Variants in NCAPG2 observed in about 807,000 individuals in gnomAD.
The protein encoded by NCAPG2 is condensin-2 complex subunit G2.
In NCAPG2, 53 loss-of-function variants were observed where a neutral mutation model predicts 141.1. That is an observed-to-expected ratio of 0.38 (90% CI 0.30 to 0.47). The LOEUF is 0.47. Ranked by LOEUF, NCAPG2 falls within the 20% of genes least tolerant of loss-of-function variation. The pLI is 0.99. For synonymous variants in NCAPG2, 499 were observed against 490.7 expected, an observed-to-expected ratio of 1.02 and a Z score of -0.22; for missense variants, 1,087 against 1,389.0, an observed-to-expected ratio of 0.78 and a Z score of 3.46.
At position 158,656,597 on chromosome 7, in the gene NCAPG2, C is replaced by T. The variant is rs1422740607; in HGVS notation, c.2169G>A (p.Leu723=). 6.2e-7 allele frequency: 1 copy of T among 1,614,122 alleles called. No individual in the cohort carries two copies. The highest frequency in any genetic ancestry group is 8.5e-7 in the Non-Finnish European group (1 of 1,180,038). ...LCSWGQVGHI[L]ELVDNWLPTE... is the part of the protein sequence containing the mutation. ...TGGGCAGCCAGTTGTCAACAAGCTC[C>T]AGAATGTGCCCCACCTGCCCCCAGG... The change falls in exon 18 of 28, where the codon CTG becomes CTA. Residue 723 remains leucine, a synonymous_variant. Transcript: ENST00000356309.
intron 12 of NCAPG2, among the ~76,000 whole-genome samples, chr7:158,673,538 T>A (rs761652851): frequency 3.3e-5 from 5 of 152,206 alleles, no homozygotes; most frequent in Non-Finnish European, 7.4e-5. Flanking sequence ...CACGAGGCTT[T>A]CCCAGGCTGT....
At chr7:158,675,349 T>C in intron 12 of NCAPG2, 128 bp downstream of exon 12, 1 of 1,045,060 alleles carries the variant, frequency 9.6e-7, no homozygotes, top group South Asian at 1.9e-5. Context: ...ACTTTGGATA[T>C]ATGACAGGTC....
At chr7:158,648,304 T>TAA (rs899683839) in intron 24 of NCAPG2, among the ~76,000 whole-genome samples, 1 of 137,014 alleles carries the variant, frequency 7.3e-6, no homozygotes. Flanking sequence ...GAGAAATCAC[T>TAA]AAAAAAAAAA....
chr7:158,704,508 G>A (rs1836041431), intron 1 of NCAPG2, among the ~76,000 whole-genome samples: 1 of 152,202 alleles, frequency 6.6e-6, no homozygotes, highest in Non-Finnish European at 1.5e-5. Context: ...GGACAAGAAG[G>A]ACGGGCGTCG....
At position 158,644,311 on chromosome 7, in the gene NCAPG2, A is replaced by G; in HGVS notation, c.3358T>C (p.Leu1120=). The change falls in exon 27 of 28, where the codon TTG becomes CTG. Residue 1120 remains leucine (L), a synonymous_variant. Coordinates refer to ENST00000356309, the MANE Select transcript of NCAPG2 (RefSeq NM_017760.7). ...RKLKTFMEIT[L]EEDSIERFLY... is the part of the protein sequence containing the mutation. ...TACCTTTCAATGCTATCCTCTTCCA[A>G]AGTAATTTCCATGAATGTCTTTAGT... 1 of 1,613,170 alleles carries G rather than the reference A, an allele frequency of 6.2e-7. No homozygotes were observed. The highest frequency in any genetic ancestry group is 8.5e-7 in the Non-Finnish European group (1 of 1,179,150).
intron 24 of NCAPG2, among the ~76,000 whole-genome samples, chr7:158,649,860 C>A (rs986499610): frequency 2.6e-5 from 4 of 151,828 alleles, no homozygotes; most frequent in African/African-American, 9.7e-5. Context: ...AGGAAAACAA[C>A]ACCCTGAATA....
intron 22 of NCAPG2, among the ~76,000 whole-genome samples, chr7:158,653,910 T>C (rs950562876): frequency 5.3e-5 from 8 of 151,658 alleles, no homozygotes; most frequent in African/African-American, 1.9e-4. Flanking sequence ...CAGAAGCGGC[T>C]GAGGGGGAGG....
intron 15 of NCAPG2, 61 bp from the exon 16 acceptor site, chr7:158,662,428 A>C: frequency 7.0e-7 from 1 of 1,418,782 alleles, no homozygotes; most frequent in Non-Finnish European, 9.4e-7. Context: ...AAAAGGTAAC[A>C]GCATCTCAGA....
At chr7:158,638,365 A>G (rs1830427866) in intron 27 of NCAPG2, among the ~76,000 whole-genome samples, 1 of 152,116 alleles carries the variant, frequency 6.6e-6, no homozygotes, top group Admixed American at 6.5e-5. Flanking sequence ...TCAGCTGTCC[A>G]TGTAGCTGGG....
chr7:158,633,501 A>C lies in NCAPG2; in HGVS notation c.3381-1784T>G, dbSNP rs536919937. On this transcript the variant is annotated intron_variant, in intron 27 of 27. Transcript: ENST00000356309. The surrounding 1 kb of genome is among the most constrained non-coding windows in gnomAD (Gnocchi z 4.1). ...CACAGCTATGTGGAGGCTGCCATGC[A>C]GCGACACAGGAGACTCTGGGTGCCC... Among the ~76,000 whole-genome samples, 52 of 152,304 alleles carry C rather than the reference A, an allele frequency of 3.4e-4. No individual in the cohort carries two copies. The highest frequency in any genetic ancestry group is 1.3e-3 in the African/African-American group (52 of 41,586).
At chr7:158,697,679 T>G (rs922684821) in intron 2 of NCAPG2, among the ~76,000 whole-genome samples, 2 of 150,602 alleles carry the variant, frequency 1.3e-5, no homozygotes, top group Non-Finnish European at 3.0e-5. Flanking sequence ...AGCAAAGACA[T>G]GGAATAAACC....
Position 158,695,006 on chromosome 7 carries a change from G to C in NCAPG2, c.79-1509C>G, listed in dbSNP as rs187831318. ...ACCTATAGACCCGACATTCAATCAT[G>C]AACAATTGAATAATTCTTTACGCCT... On this transcript the variant is annotated intron_variant, in intron 2 of 27. Transcript: ENST00000356309. Among the ~76,000 whole-genome samples, 378 of 152,238 alleles carry C rather than the reference G, an allele frequency of 2.5e-3. 2 individuals are homozygous for C. The highest frequency in any genetic ancestry group is 2.8e-3 in the Non-Finnish European group (188 of 68,028).
At chr7:158,653,789 A>C (rs1220724004) in intron 22 of NCAPG2, among the ~76,000 whole-genome samples, 1 of 152,262 alleles carries the variant, frequency 6.6e-6, no homozygotes. Context: ...TGTCAACATC[A>C]AATGTTGAGG....
At chr7:158,658,194 C>T in intron 17 of NCAPG2, 144 bp downstream of exon 17, 1 of 567,438 alleles carries the variant, frequency 1.8e-6, no homozygotes, top group Non-Finnish European at 2.8e-6. Flanking sequence ...ATTTTCCCTA[C>T]CACAGGGAGA....
chr7:158,657,784 G>GACTTTTCATTTT (rs1343019558), intron 17 of NCAPG2, among the ~76,000 whole-genome samples: 8 of 152,158 alleles, frequency 5.3e-5, no homozygotes, highest in Non-Finnish European at 1.2e-4. Flanking sequence ...AGACATGGGA[G>GACTTTTCATTTT]ACTTTTCATT....
chr7:158,656,533 A>G lies in NCAPG2; in HGVS notation c.2214+19T>C. ...TATCCTCACTCACCTAATTTTAAGG[A>G]AACATGATGTCAACCTACCTTGGCC... On this transcript the variant is annotated intron_variant, in intron 18 of 27. Transcript: ENST00000356309. The G allele has an allele frequency of 6.2e-7, 1 of 1,613,104 alleles. No individual in the cohort carries two copies. The highest frequency in any genetic ancestry group is 8.5e-7 in the Non-Finnish European group (1 of 1,179,374).
chr7:158,679,880 G>A, intron 11 of NCAPG2, 80 bp downstream of exon 11: 1 of 1,519,624 alleles, frequency 6.6e-7, no homozygotes, highest in Non-Finnish European at 8.9e-7. Context: ...CAGGGGAGGT[G>A]GGGACACACA....
chr7:158,689,088 A>G (rs536908197), intron 6 of NCAPG2, among the ~76,000 whole-genome samples: 2 of 152,092 alleles, frequency 1.3e-5, no homozygotes, highest in Non-Finnish European at 2.9e-5. Flanking sequence ...GGCCCCTAAC[A>G]CAGAAGAACT....
intron 27 of NCAPG2, chr7:158,641,056 A>G (rs1445553336): frequency 6.6e-6 from 1 of 152,652 alleles, no homozygotes; most frequent in Non-Finnish European, 1.5e-5. Flanking sequence ...CTCCAACTCT[A>G]AAGCAACCAC....
Sources: gnomAD v4.1 joint callset for allele counts (sites outside exome capture counted in the v4.1 genomes callset) on GRCh38, gnomAD v4.1.1 for gene constraint, Gnocchi (gnomAD v3.1) non-coding constraint, MANE v1.5 for transcripts, NCBI Gene and HGNC (gene_info 2026-07-23, HGNC 2026-07-21) for gene names.